Variants in PLXDC1 observed in about 807,000 individuals in gnomAD.
PLXDC1 encodes the protein plexin domain-containing protein 1.
A neutral mutation model predicts 61.3 loss-of-function variants in PLXDC1; 39 were observed. The ratio of observed to expected loss-of-function variants is 0.64; its 90% CI spans 0.49 to 0.83. PLXDC1 has a LOEUF of 0.83. Ranked by LOEUF, PLXDC1 falls within the 40% of genes least tolerant of loss-of-function variation. PLXDC1 has a pLI of 0.00. For missense variants in PLXDC1, 596 were observed against 666.5 expected (o/e 0.89, Z 1.17); for synonymous variants, 212 against 254.5 (o/e 0.83, Z 1.59).
At chr17:39,141,961 G>A (rs1365999683) in intron 1 of PLXDC1, among the ~76,000 whole-genome samples, 1 of 152,006 alleles carries the variant, frequency 6.6e-6, no homozygotes, top group African/African-American at 2.4e-5. Flanking sequence ...TATCTTCTTT[G>A]GAGAAATGTC....
At chr17:39,145,171 G>A (rs1057312621) in intron 1 of PLXDC1, among the ~76,000 whole-genome samples, 1 of 152,146 alleles carries the variant, frequency 6.6e-6, no homozygotes, top group Non-Finnish European at 1.5e-5. Flanking sequence ...CCCGGGGTGG[G>A]GCTGGCATGT....
At chr17:39,095,234 G>A (rs1267205203) in intron 7 of PLXDC1, among the ~76,000 whole-genome samples, 1 of 151,824 alleles carries the variant, frequency 6.6e-6, no homozygotes, top group East Asian at 1.9e-4. Flanking sequence ...GTGGCAGAAA[G>A]GGGGATGAGG....
At chr17:39,149,041 A>C (rs1043928687) in intron 1 of PLXDC1, among the ~76,000 whole-genome samples, 7 of 152,048 alleles carry the variant, frequency 4.6e-5, no homozygotes, top group Admixed American at 4.6e-4. Flanking sequence ...CCAGACTGTC[A>C]GTTCCCTGGG....
In PLXDC1 at chr17:39,139,809, C is replaced by G. The variant is rs752573290; in HGVS notation, c.100G>C (p.Gly34Arg). 6.2e-7 allele frequency: 1 copy of G among 1,611,514 alleles called. No individual in the cohort carries two copies. Among genetic ancestry groups the G allele is most frequent in the East Asian group, 2.2e-5 (1 of 44,818 alleles). Reference sequence around the variant, plus strand: ...CGCACGGTCCCTTTGGCAGCCCATCCAGAGCCTGGGCCCTCATCGTGACCT... The same window carrying G: ...CGCACGGTCCCTTTGGCAGCCCATCGAGAGCCTGGGCCCTCATCGTGACCT... ...GAGHDEGPGS[G>R]WAAKGTVRGW... The change falls in exon 2 of 14, where the codon GGA becomes CGA. Residue 34 changes from glycine to arginine, a missense_variant. Gly to Arg is a moderately radical substitution (Grantham distance 125). Transcript: ENST00000315392.
At chr17:39,078,128 C>T (rs938314345) in intron 10 of PLXDC1, 80 bp from the exon 11 acceptor site, 5 of 1,341,242 alleles carry the variant, frequency 3.7e-6, no homozygotes, top group Non-Finnish European at 5.1e-6. Flanking sequence ...TCTTACAGGG[C>T]AATTTATCTG....
intron 10 of PLXDC1, 143 bp downstream of exon 10, chr17:39,078,961 A>AAAACAAAT (rs1909448150): frequency 1.5e-6 from 1 of 678,696 alleles, no homozygotes; most frequent in East Asian, 2.8e-5. Context: ...GGCAGTCTGG[A>AAAACAAAT]AAACAAATCT....
At chr17:39,105,651 T>C (rs1197226572) in intron 7 of PLXDC1, among the ~76,000 whole-genome samples, 2 of 152,164 alleles carry the variant, frequency 1.3e-5, no homozygotes, top group Non-Finnish European at 2.9e-5. Context: ...TGCCTCCCAT[T>C]GGAGATTTTG....
chr17:39,069,815 C>A, intron 13 of PLXDC1, 41 bp downstream of exon 13: 1 of 1,567,856 alleles, frequency 6.4e-7, no homozygotes, highest in Non-Finnish European at 8.8e-7. Context: ...GACGCCGACG[C>A]AGAAGCAGAC....
chr17:39,147,245 C>T lies in PLXDC1; in HGVS notation c.76+4117G>A, dbSNP rs971245146. 2.8e-4 allele frequency among the ~76,000 whole-genome samples: 43 copies of T among 152,228 alleles called. 1 individual carries two copies. Among genetic ancestry groups the T allele is most frequent in the Admixed American group, 8.5e-4 (13 of 15,300 alleles). On this transcript the variant is annotated intron_variant, in intron 1 of 13. Coordinates refer to ENST00000315392, the MANE Select transcript of PLXDC1 (RefSeq NM_020405.5). ...TGCTGGGATTACAGGCGCGGGCCAC[C>T]GCGCCCAGCCGAGGAACTGATTTAA...
chr17:39,083,471 T>G lies in PLXDC1; in HGVS notation c.977A>C (p.His326Pro). The change falls in exon 9 of 14, where the codon CAT (histidine) becomes CCT (proline). Residue 326 changes from histidine (H) to proline (P), a missense_variant. His to Pro is a moderately conservative substitution (Grantham distance 77). Coordinates refer to ENST00000315392, the MANE Select transcript of PLXDC1 (RefSeq NM_020405.5). The part of the protein sequence containing the change: ...SDLTFNCSWC[H>P]VLQRCSSGFD... ...CCTGGGCACAAACCTCTGGAGGACA[T>G]GGCACCAGCTGCAGTTGAAGGTCAG... 6.2e-7 allele frequency: 1 copy of G among 1,613,750 alleles called. No individual in the cohort carries two copies. Among genetic ancestry groups the G allele is most frequent in the South Asian group, 1.1e-5 (1 of 90,982 alleles).
chr17:39,093,701 G>GA (rs1567758760), intron 7 of PLXDC1, among the ~76,000 whole-genome samples: 1 of 140,812 alleles, frequency 7.1e-6, no homozygotes, highest in Non-Finnish European at 1.5e-5. Flanking sequence ...GGGCGACAGA[G>GA]AAAGACTCCG....
At chr17:39,123,984 T>C (rs2143804142) in intron 2 of PLXDC1, among the ~76,000 whole-genome samples, 1 of 152,222 alleles carries the variant, frequency 6.6e-6, no homozygotes, top group East Asian at 1.9e-4. Flanking sequence ...ATGGGATTAC[T>C]GTGGGGAGGG....
At chr17:39,147,621 A>T (rs2045350609) in intron 1 of PLXDC1, among the ~76,000 whole-genome samples, 1 of 151,822 alleles carries the variant, frequency 6.6e-6, no homozygotes, top group African/African-American at 2.4e-5. Context: ...GGAAGGAGTC[A>T]AAGGAAGTGC....
rs192350161 is a variant in PLXDC1, at chr17:39,151,614, C to A, written c.-177G>T. The A allele has an allele frequency of 0.085, 91,141 of 1,067,852 alleles. 4,097 individuals carry two copies. Among genetic ancestry groups the A allele is most frequent in the East Asian group, 0.17 (3,027 of 17,982 alleles). The allele number at this position is 1,067,852 out of a possible 1,614,324, so 66.1% of individuals were successfully genotyped here. On this transcript the variant is annotated 5_prime_UTR_variant, in exon 1 of 14. Coordinates refer to ENST00000315392, the MANE Select transcript of PLXDC1 (RefSeq NM_020405.5). This position sits in a 1 kb window ranked among gnomAD's most constrained non-coding sequence, Gnocchi z 5.2. Reference sequence around the variant, plus strand: ...AGGAGCGGCGAGAGCGCGAGCGGAGCTGGAGGCTGCGGCCTCCGGGAGCAG... The same window carrying A: ...AGGAGCGGCGAGAGCGCGAGCGGAGATGGAGGCTGCGGCCTCCGGGAGCAG...
intron 7 of PLXDC1, 118 bp from the exon 8 acceptor site, chr17:39,087,820 C>A: frequency 1.5e-6 from 1 of 687,374 alleles, no homozygotes; most frequent in Admixed American, 2.2e-5. Flanking sequence ...GTGCACCCAG[C>A]AGCCTGGGAC....
intron 13 of PLXDC1, 53 bp from the exon 14 acceptor site, chr17:39,068,012 A>G (rs544437601): frequency 1.3e-5 from 20 of 1,589,600 alleles, no homozygotes; most frequent in Non-Finnish European, 1.6e-5. Context: ...CCCCATGGGG[A>G]CCCCACACTC....
At chr17:39,079,040 C>T (rs551688781) in intron 10 of PLXDC1, 64 bp downstream of exon 10, 1,107 of 1,317,460 alleles carry the variant, frequency 8.4e-4, no homozygotes, top group Non-Finnish European at 1.2e-3. Flanking sequence ...GCAGGCCCTA[C>T]TGGCTGCCCT....
At chr17:39,121,431 T>C (rs1749289773) in intron 2 of PLXDC1, among the ~76,000 whole-genome samples, 1 of 152,186 alleles carries the variant, frequency 6.6e-6, no homozygotes, top group African/African-American at 2.4e-5. Context: ...AGAATAAACC[T>C]CCTAGTTTGA....
At chr17:39,093,424 T>C (rs1032756147) in intron 7 of PLXDC1, among the ~76,000 whole-genome samples, 2 of 152,156 alleles carry the variant, frequency 1.3e-5, no homozygotes, top group African/African-American at 4.8e-5. Flanking sequence ...ATAAAAACAT[T>C]TATTTAAAAA....
Sources: gnomAD v4.1 joint callset for allele counts (sites outside exome capture counted in the v4.1 genomes callset) on GRCh38, gnomAD v4.1.1 for gene constraint, Gnocchi (gnomAD v3.1) non-coding constraint, MANE v1.5 for transcripts, NCBI Gene and HGNC (gene_info 2026-07-23, HGNC 2026-07-21) for gene names.